ANKS1A: variants seen among roughly 807,000 people sequenced by gnomAD.
ANKS1A encodes ankyrin repeat and sterile alpha motif domain containing 1A.
In ANKS1A, 55 loss-of-function variants were observed where a neutral mutation model predicts 120.3. That is an observed-to-expected ratio of 0.46 (90% CI 0.37 to 0.57). The LOEUF is 0.57. ANKS1A is among the 20% of genes least tolerant of loss of function. ANKS1A has a pLI of 0.00. For missense variants in ANKS1A, 1,123 were observed against 1,480.3 expected, an observed-to-expected ratio of 0.76 and a Z score of 3.96; for synonymous variants, 590 against 604.7, an observed-to-expected ratio of 0.98 and a Z score of 0.36.
At position 34,967,790 on chromosome 6, in the gene ANKS1A, C is replaced by T. The variant is rs370675505; in HGVS notation, c.278+471C>T. 3.9e-5 allele frequency among the ~76,000 whole-genome samples: 6 copies of T among 152,144 alleles called. No homozygotes were observed. The South Asian group carries it at 1.0e-3, about 26-fold the overall frequency. On this transcript the variant is annotated intron_variant, in intron 2 of 23. Coordinates refer to ENST00000360359, the MANE Select transcript of ANKS1A (RefSeq NM_015245.3). ...TTCAGTTCATTCAGCATTTCTGTGT[C>T]TTTCTTTCATGTATAATTTAAACAT...
At chr6:35,017,061 C>T (rs572755844) in intron 10 of ANKS1A, among the ~76,000 whole-genome samples, 12 of 151,754 alleles carry the variant, frequency 7.9e-5, no homozygotes, top group South Asian at 2.1e-4. Context: ...TCCCTGCTCG[C>T]GCTTGCTCAC....
chr6:35,034,343 T>C (rs888542831), intron 11 of ANKS1A, among the ~76,000 whole-genome samples: 2 of 152,254 alleles, frequency 1.3e-5, no homozygotes, highest in South Asian at 2.1e-4. Context: ...ACTTGGAAAG[T>C]GAATAGTGTG....
chr6:35,026,344 G>A (rs745519609), intron 11 of ANKS1A, among the ~76,000 whole-genome samples: 5 of 152,166 alleles, frequency 3.3e-5, no homozygotes, highest in Admixed American at 2.0e-4. Context: ...ACAGTTACAC[G>A]TTCAGCTAAT....
intron 1 of ANKS1A, among the ~76,000 whole-genome samples, chr6:34,936,759 C>G (rs1384312410): frequency 1.3e-5 from 2 of 152,174 alleles, no homozygotes; most frequent in Admixed American, 6.5e-5. Flanking sequence ...GATGAATGGC[C>G]CCTTTGCTGA....
chr6:35,064,495 G>C (rs1776668080), intron 13 of ANKS1A, among the ~76,000 whole-genome samples: 1 of 152,192 alleles, frequency 6.6e-6, no homozygotes, highest in Non-Finnish European at 1.5e-5. Flanking sequence ...CAGATAAAGA[G>C]AGGCCAAAGG....
intron 11 of ANKS1A, among the ~76,000 whole-genome samples, chr6:35,024,182 G>A (rs189742122): frequency 1.3e-3 from 195 of 152,320 alleles, no homozygotes; most frequent in Non-Finnish European, 1.6e-3. Flanking sequence ...CTGCGGCAGA[G>A]TCTCCTTTTG....
At chr6:35,083,083 C>G (rs137878126) in intron 18 of ANKS1A, 72 bp from the exon 19 acceptor site, 18 of 1,576,580 alleles carry the variant, frequency 1.1e-5, no homozygotes, top group Middle Eastern at 1.7e-4. Context: ...GTGGGACAGT[C>G]CCAAATTGGT....
In ANKS1A at chr6:34,889,431, C is replaced by T; in HGVS notation, c.29C>T (p.Ala10Val). ...GGGAAGGAGCAGGAGCTGCTGGAGG[C>T]GGCCCGCACCGGGCACCTCCCGGCG... MGKEQELLE[A>V]ARTGHLPAVE... is the part of the protein sequence containing the mutation. The change falls in exon 1 of 24, where the codon GCG (alanine) becomes GTG (valine). Residue 10 changes from alanine (A) to valine (V), a missense_variant. This residue lies in a region of ANKS1A where 73 missense variants were observed against 82.2 expected (regional missense o/e 0.89). Transcript: ENST00000360359. This position sits in a 1 kb window ranked among gnomAD's most constrained non-coding sequence, Gnocchi z 5.5. 7.8e-7 allele frequency: 1 copy of T among 1,285,484 alleles called. No individual in the cohort carries two copies. The highest frequency in any genetic ancestry group is 9.8e-7 in the Non-Finnish European group (1 of 1,019,602). The allele number at this position is 1,285,484 out of a possible 1,614,324, so 79.6% of individuals were successfully genotyped here. A position where few individuals can be genotyped will look rare whatever the true frequency, so the allele number is the denominator to read the frequency against.
chr6:35,041,282 C>T (rs929062875), intron 11 of ANKS1A, among the ~76,000 whole-genome samples: 1 of 152,184 alleles, frequency 6.6e-6, no homozygotes, highest in Non-Finnish European at 1.5e-5. Flanking sequence ...CAGTTGTTGG[C>T]AGCAATCAAT....
At chr6:34,990,157 C>T (rs1227604128) in intron 9 of ANKS1A, among the ~76,000 whole-genome samples, 7 of 152,222 alleles carry the variant, frequency 4.6e-5, no homozygotes, top group East Asian at 3.9e-4. Flanking sequence ...AGTATTGCCA[C>T]GGACCATGGC....
At chr6:35,027,415 G>C (rs1439961103) in intron 11 of ANKS1A, among the ~76,000 whole-genome samples, 1 of 152,192 alleles carries the variant, frequency 6.6e-6, no homozygotes, top group East Asian at 1.9e-4. Context: ...GGTGGACTTA[G>C]GGGACATCAG....
chr6:35,080,007 T>TATG, intron 16 of ANKS1A, 79 bp downstream of exon 16: 1 of 1,468,966 alleles, frequency 6.8e-7, no homozygotes, highest in Non-Finnish European at 9.3e-7. Context: ...TTTAGGATTC[T>TATG]TCAGAGACCA....
At chr6:35,042,589 G>A (rs1384883291) in intron 11 of ANKS1A, among the ~76,000 whole-genome samples, 1 of 152,194 alleles carries the variant, frequency 6.6e-6, no homozygotes, top group Non-Finnish European at 1.5e-5. Flanking sequence ...GTATGTGTGA[G>A]CAGGTTTGCA....
At chr6:34,891,467 A>G (rs2127438323) in intron 1 of ANKS1A, among the ~76,000 whole-genome samples, 1 of 152,250 alleles carries the variant, frequency 6.6e-6, no homozygotes, top group Non-Finnish European at 1.5e-5. Flanking sequence ...TGCAGTTCTG[A>G]TGTCTGAGAG....
chr6:34,977,812 C>A (rs190169052), intron 3 of ANKS1A, among the ~76,000 whole-genome samples: 1 of 152,288 alleles, frequency 6.6e-6, no homozygotes, highest in African/African-American at 2.4e-5. Context: ...CCTGTACTTT[C>A]ATTGCTGCAG....
chr6:34,955,872 T>A (rs1770336407), intron 1 of ANKS1A, among the ~76,000 whole-genome samples: 1 of 152,184 alleles, frequency 6.6e-6, no homozygotes, highest in South Asian at 2.1e-4. Context: ...AAAATTCTGG[T>A]GGCGCTTAAT....
chr6:35,051,081 T>G (rs566811675), intron 11 of ANKS1A, among the ~76,000 whole-genome samples: 39 of 151,986 alleles, frequency 2.6e-4, no homozygotes, highest in Non-Finnish European at 4.7e-4. Context: ...GTAACCCCAG[T>G]GCTTTGGGAG....
At chr6:35,014,039 C>T (rs532289900) in intron 10 of ANKS1A, among the ~76,000 whole-genome samples, 1 of 152,196 alleles carries the variant, frequency 6.6e-6, no homozygotes, top group African/African-American at 2.4e-5. Flanking sequence ...CCCAGAATTG[C>T]ACAAAGAAGT....
At chr6:34,905,361 A>G (rs754153685) in intron 1 of ANKS1A, among the ~76,000 whole-genome samples, 2 of 152,204 alleles carry the variant, frequency 1.3e-5, no homozygotes, top group African/African-American at 2.4e-5. Flanking sequence ...TCAAACTTCA[A>G]TGCAAAGTCC....
Sources: gnomAD v4.1 joint callset for allele counts (sites outside exome capture counted in the v4.1 genomes callset) on GRCh38, gnomAD v4.1.1 for gene constraint, gnomAD v4.1.1 regional missense constraint, Gnocchi (gnomAD v3.1) non-coding constraint, MANE v1.5 for transcripts, NCBI Gene and HGNC (gene_info 2026-07-23, HGNC 2026-07-21) for gene names.